The following NBPF12 variants were observed in gnomAD, a reference collection of about 807,000 sequenced individuals.
The protein encoded by NBPF12 is NBPF member 12, also known as NBPF family member NBPF12.
NBPF12 carries 115 observed loss-of-function variants against 146.4 expected under a neutral mutation model. The ratio of observed to expected loss-of-function variants is 0.79; its 90% CI spans 0.68 to 0.92. The LOEUF (loss-of-function observed/expected upper bound fraction) is 0.92, where lower values mean the gene tolerates loss of function less well. NBPF12 is among the 40% of genes least tolerant of loss of function. The pLI is 0.00. For missense variants in NBPF12, 1,205 were observed against 1,326.8 expected, an observed-to-expected ratio of 0.91 and a Z score of 1.43; for synonymous variants, 385 against 508.9, an observed-to-expected ratio of 0.76 and a Z score of 3.28.
intron 18 of NBPF12, among the ~76,000 whole-genome samples, chr1:146,978,084 A>G (rs1455125120): frequency 6.6e-6 from 1 of 151,556 alleles, no homozygotes; most frequent in Non-Finnish European, 1.5e-5. Flanking sequence ...CACTGCTCTC[A>G]GCTTTCATCT....
intron 4 of NBPF12, 127 bp downstream of exon 7, chr1:146,960,445 G>T (rs1284165602): frequency 0.11 from 65,589 of 611,342 alleles, 4,152 homozygotes; most frequent in East Asian, 0.21. Flanking sequence ...ACAGAAATGG[G>T]TATTTTAACA....
exon 34 of NBPF12, chr1:146,994,401 G>A (rs782714174): frequency 4.3e-5 from 70 of 1,612,116 alleles, no homozygotes; most frequent in African/African-American, 9.4e-5. Context: ...GATGTTATTC[G>A]ACTCCATCAA....
Position 146,971,082 on chromosome 1 carries a change from C to A in NBPF12, c.1380-101C>A, listed in dbSNP as rs1656580862. 15 of 1,585,374 alleles carry A rather than the reference C, an allele frequency of 9.5e-6. No individual in the cohort carries two copies. The South Asian group carries it at 1.5e-4, about 16-fold the overall frequency. On this transcript the variant is annotated intron_variant, in intron 12 of 33. Coordinates refer to ENST00000617844, the Ensembl canonical transcript of NBPF12. ...GGAACCTCCATTTTGCTTTCTGGGACCACTCTCTTAATGCCGCTTGTCAAA... is the reference window on the plus strand; with the variant it reads ...GGAACCTCCATTTTGCTTTCTGGGAACACTCTCTTAATGCCGCTTGTCAAA...
At chr1:146,938,399 G>T (rs1162742802), upstream of NBPF12, among the ~76,000 whole-genome samples, 132 of 152,228 alleles carry the variant, frequency 8.7e-4, 4 homozygotes, top group African/African-American at 3.0e-3. Context: ...GGCTTCCGAG[G>T]GGGTGTGTCT....
At position 146,971,263 on chromosome 1, in the gene NBPF12, G is replaced by A. The variant is rs1656593158; in HGVS notation, c.1460G>A (p.Gly487Asp). ...GCCATCACTTGTTCAAATAGCCACG[G>A]CCCTTGTGACTCCAACCAGCCTCAC... is the stretch of plus-strand genomic sequence containing the variant. The change falls in exon 13 of 34, where the codon GGC (glycine) becomes GAC (aspartate). Residue 487 changes from glycine (G) to aspartate (D), a missense_variant. Around this residue, in one of 16 missense-constraint regions of NBPF12, gnomAD observed 278 missense variants for 203.1 expected, o/e 1.37. Coordinates refer to ENST00000617844, the Ensembl canonical transcript of NBPF12. 3.5e-5 allele frequency: 57 copies of A among 1,612,234 alleles called. 1 individual carries two copies. The highest frequency in any genetic ancestry group is 6.6e-5 in the South Asian group (6 of 91,028).
upstream of NBPF12, among the ~76,000 whole-genome samples, chr1:146,946,512 C>CTTTTTTTTTTTTTTTTTTTTTTTT (rs3071268): frequency 2.4e-5 from 1 of 40,998 alleles, no homozygotes; most frequent in Non-Finnish European, 4.2e-5. Context: ...GATCTTTCAC[C>CTTTTTTTTTTTTTTTTTTTTTTTT]TTTTTTTTTT....
upstream of NBPF12, among the ~76,000 whole-genome samples, chr1:146,944,950 TTCTTCCTCCCTC>T (rs1654963707): frequency 2.5e-5 from 1 of 40,650 alleles, no homozygotes; most frequent in Admixed American, 2.3e-4. Flanking sequence ...CTCCCTTCTT[TTCTTCCTCCCTC>T]CCTTCCTCCC....
chr1:146,962,561 A>G (rs1310347011), intron 5 of NBPF12, among the ~76,000 whole-genome samples: 2 of 151,744 alleles, frequency 1.3e-5, no homozygotes, highest in African/African-American at 4.9e-5. Context: ...AGTATACTCA[A>G]AATGGTGTGC....
intron 2 of NBPF12, among the ~76,000 whole-genome samples, chr1:146,953,880 C>T (rs1471774705): frequency 6.6e-6 from 1 of 152,020 alleles, no homozygotes; most frequent in African/African-American, 2.4e-5. Flanking sequence ...AGAATTGAAG[C>T]TGTCTTTATT....
rs1438680248 is a variant in NBPF12 at position 146,994,478 on chromosome 1, A to G, written c.4277A>G (p.His1426Arg). The G allele has an allele frequency of 6.2e-6, 10 of 1,607,498 alleles. No individual in the cohort carries two copies. In the African/African-American group the frequency reaches 1.1e-4, roughly 18 times the overall value. Residue 1426 changes from histidine to arginine, a missense_variant, in exon 34 of 34, where the codon CAC (histidine) becomes CGC (arginine). This residue lies in a region of NBPF12 where 210 missense variants were observed against 94.4 expected (regional missense o/e 2.22). Coordinates refer to ENST00000617844, the Ensembl canonical transcript of NBPF12. Reference sequence around the variant, plus strand: ...GTGTTTTACTCATTTGAGGAACAGCACATCACCTTTGCCCTTGACATGGAC... The same window carrying G: ...GTGTTTTACTCATTTGAGGAACAGCGCATCACCTTTGCCCTTGACATGGAC...
chr1:146,944,689 C>T (rs1238929445), upstream of NBPF12, among the ~76,000 whole-genome samples: 5 of 151,350 alleles, frequency 3.3e-5, no homozygotes, highest in African/African-American at 4.9e-5. Flanking sequence ...TACAGTAGTG[C>T]GTCTCTCTCT....
chr1:146,952,790 C>A (rs1196980491), intron 2 of NBPF12, among the ~76,000 whole-genome samples: 1 of 150,278 alleles, frequency 6.7e-6, no homozygotes, highest in Non-Finnish European at 1.5e-5. Context: ...CCCGATGGAG[C>A]CTGGAAGTGA....
chr1:146,994,359 A>G (rs782779225), exon 34 of NBPF12: 15 of 1,612,068 alleles, frequency 9.3e-6, no homozygotes, highest in Non-Finnish European at 1.3e-5. Context: ...TGGAAGTGGA[A>G]GAGCCTGAAG....
intron 2 of NBPF12, among the ~76,000 whole-genome samples, chr1:146,952,412 G>A (rs1473852227): frequency 1.3e-5 from 2 of 152,160 alleles, no homozygotes; most frequent in Admixed American, 6.5e-5. Context: ...ATAATTGAGC[G>A]AGGCTGTACC....
chr1:146,980,038 T>C (rs1368865566), intron 19 of NBPF12, among the ~76,000 whole-genome samples: 4 of 146,186 alleles, frequency 2.7e-5, no homozygotes. Context: ...TTAACTCTTC[T>C]TGTTGAATTG....
chr1:146,966,375 G>A (rs1656211171), intron 8 of NBPF12, 89 bp from the exon 12 acceptor site: 1 of 1,120,082 alleles, frequency 8.9e-7, no homozygotes, highest in African/African-American at 1.5e-5. Flanking sequence ...AAGTACACAA[G>A]GCTGCCAGTG....
intron 7 of NBPF12, among the ~76,000 whole-genome samples, chr1:146,964,631 G>A (rs2101854883): frequency 6.6e-6 from 1 of 152,030 alleles, no homozygotes; most frequent in East Asian, 1.9e-4. Context: ...GTACCATACA[G>A]GGATAGCTGA....
chr1:146,943,209 C>T (rs1324350692), intron 1 of NBPF12, 82 bp from the exon 2 acceptor site: 1 of 166,388 alleles, frequency 6.0e-6, no homozygotes, highest in Non-Finnish European at 1.3e-5. Flanking sequence ...TTCCCAGTCT[C>T]GGTAAATGGC....
chr1:146,966,465 C>G, exon 9 of NBPF12: 2 of 1,369,412 alleles, frequency 1.5e-6, no homozygotes, highest in Non-Finnish European at 2.1e-6. Context: ...TCTCCCCAGT[C>G]CCTGGCCCCA....
Sources: gnomAD v4.1 joint callset for allele counts (sites outside exome capture counted in the v4.1 genomes callset) on GRCh38, gnomAD v4.1.1 for gene constraint, gnomAD v4.1.1 regional missense constraint, MANE v1.5 for transcripts, NCBI Gene and HGNC (gene_info 2026-07-23, HGNC 2026-07-21) for gene names.